Variants in PIGN observed in about 807,000 individuals in gnomAD.
The protein encoded by PIGN is phosphatidylinositol glycan anchor biosynthesis class N.
Under a neutral mutation model 125.4 loss-of-function variants are expected in PIGN, and 117 were observed. That is an observed-to-expected ratio of 0.93 (90% CI 0.80 to 1.09). The LOEUF (loss-of-function observed/expected upper bound fraction) is 1.09, where lower values mean the gene tolerates loss of function less well. Among genes scored for constraint, PIGN ranks in the 50% least tolerant of loss-of-function variants. PIGN has a pLI of 0.00. For synonymous variants in PIGN, 392 were observed against 377.8 expected, an observed-to-expected ratio of 1.04 and a Z score of -0.44; for missense variants, 1,075 against 1,094.9, an observed-to-expected ratio of 0.98 and a Z score of 0.26.
At chr18:62,125,133 C>G (rs57561555) in intron 14 of PIGN, among the ~76,000 whole-genome samples, 1 of 68,572 alleles carries the variant, frequency 1.5e-5, no homozygotes, top group Non-Finnish European at 3.3e-5. Context: ...TAAATATACA[C>G]GTTTGTACAT....
At chr18:62,182,006 A>G (rs2037735179) in intron 1 of PIGN, among the ~76,000 whole-genome samples, 1 of 152,150 alleles carries the variant, frequency 6.6e-6, no homozygotes, top group Non-Finnish European at 1.5e-5. Context: ...GATTACAGGC[A>G]TGAGCCACCA....
chr18:62,160,994 G>A, intron 4 of PIGN, 139 bp downstream of exon 4: 1 of 570,166 alleles, frequency 1.8e-6, no homozygotes, highest in Non-Finnish European at 3.1e-6. Context: ...ATAAGACAAA[G>A]GCAAATGTAC....
At position 62,045,792 on chromosome 18, in the gene PIGN, C is replaced by T. The variant is rs1333773564; in HGVS notation, c.*64G>A. The stretch of plus-strand genomic sequence containing the variant: ...TCCATATCCATCTTCTTATTGAAGC[C>T]TTGATGAGATTTTAGCTTAAAAGGA... On this transcript the variant is annotated 3_prime_UTR_variant, in exon 31 of 31. Coordinates refer to ENST00000640252, the MANE Select transcript of PIGN (RefSeq NM_176787.5). The T allele has an allele frequency of 6.4e-7, 1 of 1,550,820 alleles. No homozygotes were observed. The highest frequency in any genetic ancestry group is 8.9e-7 in the Non-Finnish European group (1 of 1,128,470).
intron 14 of PIGN, among the ~76,000 whole-genome samples, chr18:62,125,195 CAT>C (rs1357118686): frequency 1.3e-5 from 2 of 149,108 alleles, no homozygotes; most frequent in Non-Finnish European, 3.0e-5. Context: ...CACGTTTGTA[CAT>C]ATGTGTATAT....
chr18:62,114,686 GTATATGTTTCTTTTTTCCCCT>G lies in PIGN; in HGVS notation c.1173-68_1173-48del, dbSNP rs755628388. On this transcript the variant is annotated intron_variant, in intron 14 of 30. Coordinates refer to ENST00000640252, the MANE Select transcript of PIGN (RefSeq NM_176787.5). Reference sequence around the variant, plus strand: ...GGTTTAAAGGGTTTCCTCATTCCAAGTATATGTTTCTTTTTTCCCCTTAATTAAAAAACAAAGATAGTGAAA... The same window carrying G: ...GGTTTAAAGGGTTTCCTCATTCCAAGTAATTAAAAAACAAAGATAGTGAAA... 9.3e-5 allele frequency: 80 copies of G among 855,826 alleles called. No homozygotes were observed. In the East Asian group the frequency reaches 2.2e-3, roughly 24 times the overall value. The allele number at this position is 855,826 out of a possible 1,614,324, so 53.0% of individuals were successfully genotyped here.
intron 22 of PIGN, among the ~76,000 whole-genome samples, chr18:62,096,631 C>T (rs1477233597): frequency 5.6e-5 from 7 of 125,214 alleles, no homozygotes; most frequent in African/African-American, 2.2e-4. Context: ...GCTGCACCCA[C>T]TAATGTGTCA....
intron 17 of PIGN, among the ~76,000 whole-genome samples, chr18:62,108,628 T>C (rs987220254): frequency 6.6e-6 from 1 of 152,028 alleles, no homozygotes; most frequent in African/African-American, 2.4e-5. Flanking sequence ...TCTCACTCTG[T>C]CGCTCAGGCT....
intron 14 of PIGN, among the ~76,000 whole-genome samples, chr18:62,121,026 A>G (rs188220128): frequency 1.3e-4 from 20 of 152,322 alleles, no homozygotes; most frequent in African/African-American, 3.8e-4. Context: ...TAACACACAA[A>G]TATAAACAAT....
intron 14 of PIGN, among the ~76,000 whole-genome samples, chr18:62,124,118 T>C (rs1270749657): frequency 6.6e-6 from 1 of 152,112 alleles, no homozygotes; most frequent in Admixed American, 6.6e-5. Context: ...ATGGAATAAC[T>C]TCTTAACAAT....
chr18:62,043,746 G>T lies in PIGN; in HGVS notation c.*2110C>A, dbSNP rs2030468875. 1 of 152,122 alleles carries T rather than the reference G, an allele frequency of 6.6e-6. No homozygotes were observed. The highest frequency in any genetic ancestry group is 2.4e-5 in the African/African-American group (1 of 41,424). The allele number at this position is 152,122 out of a possible 1,614,324, so 9.4% of individuals were successfully genotyped here. On this transcript the variant is annotated 3_prime_UTR_variant, in exon 31 of 31. Coordinates refer to ENST00000640252, the MANE Select transcript of PIGN (RefSeq NM_176787.5). ...TAAGGTTTATTCATGGGCCCTCTAA[G>T]ATGATAGCATGGCCTTTTTTTGGTT...
In PIGN at chr18:62,105,523, A is replaced by G. The variant is rs1426402458; in HGVS notation, c.1859+20T>C. ...AAAAAAGTGTATTGAAAATAGAATA[A>G]AATACAATATTATTCATACACTAGA... On this transcript the variant is annotated intron_variant, in intron 20 of 30. Transcript: ENST00000640252. 5 of 1,366,532 alleles carry G rather than the reference A, an allele frequency of 3.7e-6. No homozygotes were observed. Among genetic ancestry groups the G allele is most frequent in the Non-Finnish European group, 4.1e-6 (4 of 980,854 alleles). The allele number at this position is 1,366,532 out of a possible 1,614,324, so 84.7% of individuals were successfully genotyped here.
chr18:62,057,598 T>C (rs1006696359), intron 30 of PIGN, among the ~76,000 whole-genome samples: 1 of 152,222 alleles, frequency 6.6e-6, no homozygotes. Flanking sequence ...CTTTACATTG[T>C]GGCCAGTGTT....
intron 1 of PIGN, chr18:62,184,494 T>C (rs528152621): frequency 1.3e-5 from 2 of 152,330 alleles, no homozygotes; most frequent in Admixed American, 1.3e-4. Context: ...CAAACCTCTG[T>C]GTATTGTGGA....
chr18:62,082,059 T>C (rs2033474221), intron 28 of PIGN, among the ~76,000 whole-genome samples: 1 of 152,154 alleles, frequency 6.6e-6, no homozygotes, highest in Non-Finnish European at 1.5e-5. Context: ...GTCCCTGTGC[T>C]GATGAGGCAA....
In PIGN at chr18:62,089,530, A is replaced by T. The variant is rs553542384; in HGVS notation, c.2284-688T>A. Among the ~76,000 whole-genome samples the T allele has an allele frequency of 3.3e-5, 5 of 152,290 alleles. No individual in the cohort carries two copies. The South Asian group carries it at 1.0e-3, about 32-fold the overall frequency. ...GCTTTTAGTTAAAAACATAGAATTTAAAAAGTAACACAATAATCCTCAGCC... is the reference window on the plus strand; with the variant it reads ...GCTTTTAGTTAAAAACATAGAATTTTAAAAGTAACACAATAATCCTCAGCC... On this transcript the variant is annotated intron_variant, in intron 24 of 30. Transcript: ENST00000640252.
chr18:62,030,344 C>T (rs2030178943), intron 23 of PIGN, among the ~76,000 whole-genome samples: 1 of 152,188 alleles, frequency 6.6e-6, no homozygotes, highest in Admixed American at 6.5e-5. Context: ...CTTCTACATC[C>T]TGGATCAGGT....
Position 62,045,980 on chromosome 18 carries a change from C to T in PIGN, c.2673-1G>A. 1 of 1,611,448 alleles carries T rather than the reference C, an allele frequency of 6.2e-7. No individual in the cohort carries two copies. Among genetic ancestry groups the T allele is most frequent in the Non-Finnish European group, 8.5e-7 (1 of 1,178,710 alleles). ...CATGACAATCACATAGTGGCTGATG[C>T]TGCAAAAGGAGAAAAAGATGTTACA... On this transcript the variant is annotated splice_acceptor_variant, in intron 30 of 30. Coordinates refer to ENST00000640252, the MANE Select transcript of PIGN (RefSeq NM_176787.5). LOFTEE classifies it high-confidence loss of function.
At chr18:62,085,460 G>A (rs943346631) in intron 25 of PIGN, among the ~76,000 whole-genome samples, 196 bp from the exon 26 acceptor site, 2 of 152,116 alleles carry the variant, frequency 1.3e-5, no homozygotes, top group African/African-American at 2.4e-5. Context: ...GCTGTGTACC[G>A]AGAATAATGA....
rs2036248024 is a variant in PIGN at position 62,144,478 on chromosome 18, G to A, written c.923-1132C>T. Among the ~76,000 whole-genome samples, 3 of 152,168 alleles carry A rather than the reference G, an allele frequency of 2.0e-5. No homozygotes were observed. In the South Asian group the frequency reaches 6.2e-4, roughly 32 times the overall value. On this transcript the variant is annotated intron_variant, in intron 10 of 30. Transcript: ENST00000640252. Reference sequence around the variant, plus strand: ...AACTCATTGTACTCTGCTCCCAGCTGACAGTGCTCAGCCACATCAGCCTTC... The same window carrying A: ...AACTCATTGTACTCTGCTCCCAGCTAACAGTGCTCAGCCACATCAGCCTTC...
Sources: allele counts gnomAD v4.1 joint callset (sites outside exome capture counted in the v4.1 genomes callset), GRCh38; gene constraint gnomAD v4.1.1; transcripts MANE v1.5; gene names NCBI Gene and HGNC (gene_info 2026-07-23, HGNC 2026-07-21).